Variants in PARD3B observed in about 807,000 individuals in gnomAD.
PARD3B encodes the protein partitioning defective 3 homolog B.
Under a neutral mutation model 130.2 loss-of-function variants are expected in PARD3B, and 103 were observed. The ratio of observed to expected loss-of-function variants is 0.79; its 90% CI spans 0.67 to 0.93. The LOEUF (loss-of-function observed/expected upper bound fraction) is 0.93, where lower values mean the gene tolerates loss of function less well. Among genes scored for constraint, PARD3B ranks in the 40% least tolerant of loss-of-function variants. The pLI is 0.00. For missense variants in PARD3B, 1,609 were observed against 1,499.2 expected, an observed-to-expected ratio of 1.07 and a Z score of -1.21; for synonymous variants, 583 against 553.2, an observed-to-expected ratio of 1.05 and a Z score of -0.76.
chr2:204,927,755 G>A (rs994860564), intron 2 of PARD3B, among the ~76,000 whole-genome samples: 1 of 152,074 alleles, frequency 6.6e-6, no homozygotes, highest in African/African-American at 2.4e-5. Flanking sequence ...TCCTTAATAA[G>A]ACCTGGTAGT....
At chr2:205,086,187 T>A (rs985651676) in intron 4 of PARD3B, among the ~76,000 whole-genome samples, 12 of 152,200 alleles carry the variant, frequency 7.9e-5, no homozygotes, top group Non-Finnish European at 1.2e-4. Context: ...CTCACTTAAT[T>A]TGTTATTTTA....
chr2:204,773,215 A>G (rs2041464222), intron 2 of PARD3B, among the ~76,000 whole-genome samples: 1 of 151,800 alleles, frequency 6.6e-6, no homozygotes, highest in Non-Finnish European at 1.5e-5. Flanking sequence ...AAAATGCACC[A>G]TTTTCCTCTC....
At chr2:205,061,804 A>AG (rs1188886771) in intron 4 of PARD3B, among the ~76,000 whole-genome samples, 1 of 152,058 alleles carries the variant, frequency 6.6e-6, no homozygotes, top group East Asian at 1.9e-4. Flanking sequence ...CAAAAAAAAA[A>AG]AAAAAATTCC....
rs955854060 is a variant in PARD3B, at chr2:205,244,611, A to C, written c.2141-1167A>C. On this transcript the variant is annotated intron_variant, in intron 15 of 22. Transcript: ENST00000406610. The surrounding 1 kb of genome is among the most constrained non-coding windows in gnomAD (Gnocchi z 4.7). Reference sequence around the variant, plus strand: ...TATTTATTTCTTAAATGTTTGGTAGAATTCACCAGTGAAGCCATCTGGGCC... The same window carrying C: ...TATTTATTTCTTAAATGTTTGGTAGCATTCACCAGTGAAGCCATCTGGGCC... Among the ~76,000 whole-genome samples, 3 of 152,148 alleles carry C rather than the reference A, an allele frequency of 2.0e-5. No individual in the cohort carries two copies. The highest frequency in any genetic ancestry group is 6.5e-5 in the Admixed American group (1 of 15,276).
At chr2:205,324,655 G>T (rs1164115398) in intron 18 of PARD3B, among the ~76,000 whole-genome samples, 3 of 151,726 alleles carry the variant, frequency 2.0e-5, no homozygotes, top group African/African-American at 4.8e-5. Flanking sequence ...TTCTCTCAGG[G>T]CATTCCTGTT....
chr2:205,058,996 T>C lies in PARD3B; in HGVS notation c.504+11306T>C, dbSNP rs73057109. Reference sequence around the variant, plus strand: ...TGCTTTTTGTATCACATCCAAGAAATCATTACCAAATTCCACATTATGAAG... The same window carrying C: ...TGCTTTTTGTATCACATCCAAGAAACCATTACCAAATTCCACATTATGAAG... On this transcript the variant is annotated intron_variant, in intron 4 of 22. Coordinates refer to ENST00000406610, the MANE Select transcript of PARD3B (RefSeq NM_001302769.2). 6.6e-3 allele frequency among the ~76,000 whole-genome samples: 1,002 copies of C among 151,872 alleles called. 16 individuals are homozygous for C. The highest frequency in any genetic ancestry group is 0.023 in the African/African-American group (964 of 41,452).
At chr2:205,139,350 A>G (rs2125668236) in intron 10 of PARD3B, among the ~76,000 whole-genome samples, 1 of 152,194 alleles carries the variant, frequency 6.6e-6, no homozygotes, top group Admixed American at 6.5e-5. Context: ...AATTACAAAC[A>G]TTATTCATTA....
At chr2:205,068,271 T>C (rs934281381) in intron 4 of PARD3B, among the ~76,000 whole-genome samples, 9 of 152,188 alleles carry the variant, frequency 5.9e-5, no homozygotes, top group African/African-American at 1.9e-4. Context: ...AGAAATTTAT[T>C]TGTAGTATTT....
rs1695705387 is a variant in PARD3B at position 205,011,431 on chromosome 2, G to A, written c.395-36150G>A. Among the ~76,000 whole-genome samples, 1 of 152,104 alleles carries A rather than the reference G, an allele frequency of 6.6e-6. No individual in the cohort carries two copies. The highest frequency in any genetic ancestry group is 6.5e-5 in the Admixed American group (1 of 15,268). ...TGGCAGCTGCATCCCCTCAGAACAA[G>A]TGACTCGAGAGAGAAATTAAGAGGG... On this transcript the variant is annotated intron_variant, in intron 3 of 22. Coordinates refer to ENST00000406610, the MANE Select transcript of PARD3B (RefSeq NM_001302769.2). The surrounding 1 kb of genome is among the most constrained non-coding windows in gnomAD (Gnocchi z 4.1).
chr2:204,719,484 T>A (rs1161162568), intron 2 of PARD3B, among the ~76,000 whole-genome samples: 1 of 152,256 alleles, frequency 6.6e-6, no homozygotes, highest in Admixed American at 6.5e-5. Context: ...CTAATTTAAT[T>A]CACTGTAATG....
chr2:205,160,630 A>C lies in PARD3B; in HGVS notation c.1620+1723A>C, dbSNP rs2034454049. Among the ~76,000 whole-genome samples the C allele has an allele frequency of 6.6e-6, 1 of 152,270 alleles. No individual in the cohort carries two copies. Among genetic ancestry groups the C allele is most frequent in the Non-Finnish European group, 1.5e-5 (1 of 68,048 alleles). ...ATCTATAAAACTGGCTCAGAAATAC[A>C]TAAGCAGGAGCAAAAGCGAAATAGT... On this transcript the variant is annotated intron_variant, in intron 11 of 22. Coordinates refer to ENST00000406610, the MANE Select transcript of PARD3B (RefSeq NM_001302769.2). This position sits in a 1 kb window ranked among gnomAD's most constrained non-coding sequence, Gnocchi z 4.0.
intron 3 of PARD3B, among the ~76,000 whole-genome samples, chr2:205,033,082 G>C (rs922673469): frequency 3.9e-5 from 6 of 152,108 alleles, no homozygotes; most frequent in Non-Finnish European, 8.8e-5. Context: ...ACTCACTGGG[G>C]GCTGTGACCT....
At chr2:205,073,074 T>TTAG (rs1700837264) in intron 4 of PARD3B, among the ~76,000 whole-genome samples, 1 of 152,192 alleles carries the variant, frequency 6.6e-6, no homozygotes, top group African/African-American at 2.4e-5. Flanking sequence ...ACAAACATTA[T>TTAG]TAGCAAAAAG....
chr2:204,812,601 C>T (rs1048999275), intron 2 of PARD3B, among the ~76,000 whole-genome samples: 5 of 152,222 alleles, frequency 3.3e-5, no homozygotes, highest in African/African-American at 9.6e-5. Flanking sequence ...TGGGAGGGGC[C>T]GCATGCTCAC....
rs971032753 is a variant in PARD3B, at chr2:205,187,306, GAGCTGATC to G, written c.2024+1447_2024+1454del. On this transcript the variant is annotated intron_variant, in intron 14 of 22. Transcript: ENST00000406610. The surrounding 1 kb of genome is among the most constrained non-coding windows in gnomAD (Gnocchi z 4.9). ...AGAGTAAATTGAATTGTACAAGGTG[GAGCTGATC>G]AGCCAGATGATAAAGCCCAGAGTGC... is the stretch of plus-strand genomic sequence containing the variant. 6.6e-6 allele frequency among the ~76,000 whole-genome samples: 1 copy of G among 152,160 alleles called. No homozygotes were observed. The highest frequency in any genetic ancestry group is 6.5e-5 in the Admixed American group (1 of 15,270).
chr2:204,775,633 T>C (rs1000120148), intron 2 of PARD3B, among the ~76,000 whole-genome samples: 21 of 152,286 alleles, frequency 1.4e-4, no homozygotes, highest in African/African-American at 5.1e-4. Flanking sequence ...TTCTCTGTCA[T>C]AATACAGTGC....
At chr2:204,565,369 A>G (rs902664004) in intron 1 of PARD3B, among the ~76,000 whole-genome samples, 2 of 152,208 alleles carry the variant, frequency 1.3e-5, no homozygotes, top group African/African-American at 4.8e-5. Context: ...ACAACCAATG[A>G]AATATTCATA....
intron 3 of PARD3B, among the ~76,000 whole-genome samples, chr2:205,039,849 T>A (rs527646764): frequency 6.6e-6 from 1 of 152,308 alleles, no homozygotes; most frequent in Admixed American, 6.5e-5. Context: ...CTTACCCAGA[T>A]AGAGAATGTG....
intron 3 of PARD3B, among the ~76,000 whole-genome samples, chr2:204,990,850 T>A (rs1017763346): frequency 6.6e-6 from 1 of 152,202 alleles, no homozygotes; most frequent in Non-Finnish European, 1.5e-5. Context: ...TTTTGTCTGT[T>A]TAAAAGTTTA....
Sources: allele counts gnomAD v4.1 joint callset (sites outside exome capture counted in the v4.1 genomes callset), GRCh38; gene constraint gnomAD v4.1.1; non-coding constraint Gnocchi (gnomAD v3.1); transcripts MANE v1.5; gene names NCBI Gene and HGNC (gene_info 2026-07-23, HGNC 2026-07-21).